The following CSMD1 variants were observed in gnomAD, a reference collection of about 807,000 sequenced individuals.
The protein encoded by CSMD1 is CUB and Sushi multiple domains 1, also known as CUB and sushi domain-containing protein 1.
CSMD1 carries 213 observed loss-of-function variants against 417.5 expected under a neutral mutation model. That is an observed-to-expected ratio of 0.51 (90% CI 0.46 to 0.57). CSMD1 has a LOEUF of 0.57. CSMD1 is among the 20% of genes least tolerant of loss of function. The pLI is 0.00. For synonymous variants in CSMD1, 2,862 were observed against 1,736.8 expected, an observed-to-expected ratio of 1.65 and a Z score of -16.11; for missense variants, 6,923 against 4,529.7, an observed-to-expected ratio of 1.53 and a Z score of -15.17.
chr8:4,854,199 G>C (rs187734228), intron 1 of CSMD1, among the ~76,000 whole-genome samples: 68 of 152,240 alleles, frequency 4.5e-4, no homozygotes, highest in African/African-American at 1.6e-3. Flanking sequence ...ATGAGATTTG[G>C]GGATGCAGGA....
intron 3 of CSMD1, among the ~76,000 whole-genome samples, chr8:4,092,640 T>C (rs929610146): frequency 6.6e-6 from 1 of 152,234 alleles, no homozygotes; most frequent in Middle Eastern, 3.2e-3. Flanking sequence ...ATTAAGAATG[T>C]ATTAAATCAT....
chr8:4,974,748 G>A (rs978165570), intron 1 of CSMD1, among the ~76,000 whole-genome samples: 1 of 152,144 alleles, frequency 6.6e-6, no homozygotes, highest in Non-Finnish European at 1.5e-5. Flanking sequence ...CACAATATCT[G>A]ACTAGAAGGT....
At chr8:4,036,802 T>C (rs1429766905) in intron 3 of CSMD1, among the ~76,000 whole-genome samples, 4 of 152,260 alleles carry the variant, frequency 2.6e-5, no homozygotes, top group Non-Finnish European at 5.9e-5. Flanking sequence ...ATAACATGGA[T>C]GAGAAAAATA....
At chr8:4,102,030 G>A (rs964106180) in intron 3 of CSMD1, among the ~76,000 whole-genome samples, 1 of 152,192 alleles carries the variant, frequency 6.6e-6, no homozygotes, top group Non-Finnish European at 1.5e-5. Context: ...TCACAGATAT[G>A]CAGAAATCCC....
chr8:4,189,269 C>A (rs1000529328), intron 3 of CSMD1, among the ~76,000 whole-genome samples: 1 of 152,162 alleles, frequency 6.6e-6, no homozygotes, highest in Non-Finnish European at 1.5e-5. Flanking sequence ...TGTAGAGAAA[C>A]ACTTCCTATC....
chr8:4,867,727 G>A (rs1388491564), intron 1 of CSMD1, among the ~76,000 whole-genome samples: 1 of 152,086 alleles, frequency 6.6e-6, no homozygotes, highest in East Asian at 1.9e-4. Context: ...CAAACAAAAT[G>A]CCGTATTAGT....
chr8:3,679,966 A>G (rs1417294936), intron 7 of CSMD1, among the ~76,000 whole-genome samples: 1 of 152,220 alleles, frequency 6.6e-6, no homozygotes, highest in South Asian at 2.1e-4. Flanking sequence ...AGGCAGAAAT[A>G]AAGATGTTCT....
At chr8:3,134,822 A>C (rs534078065) in intron 41 of CSMD1, among the ~76,000 whole-genome samples, 1 of 152,178 alleles carries the variant, frequency 6.6e-6, no homozygotes, top group African/African-American at 2.4e-5. Context: ...TCTGAGCCTC[A>C]TTTTTCTTAT....
chr8:3,894,492 T>C (rs1807217942), intron 5 of CSMD1, among the ~76,000 whole-genome samples: 1 of 152,180 alleles, frequency 6.6e-6, no homozygotes, highest in Non-Finnish European at 1.5e-5. Flanking sequence ...GAACTACAAG[T>C]AGTTTTAACA....
At chr8:4,742,788 C>A (rs1360146544) in intron 1 of CSMD1, among the ~76,000 whole-genome samples, 1 of 151,976 alleles carries the variant, frequency 6.6e-6, no homozygotes, top group Non-Finnish European at 1.5e-5. Context: ...ATGCTAAAAG[C>A]CCAATTATAT....
chr8:4,093,361 A>T (rs1307860673), intron 3 of CSMD1, among the ~76,000 whole-genome samples: 1 of 152,226 alleles, frequency 6.6e-6, no homozygotes, highest in Non-Finnish European at 1.5e-5. Flanking sequence ...AATGAAAGTT[A>T]AATTTTATAT....
intron 12 of CSMD1, among the ~76,000 whole-genome samples, chr8:3,462,352 T>G (rs1816558304): frequency 6.6e-6 from 1 of 152,144 alleles, no homozygotes. Flanking sequence ...CAGGGACCAG[T>G]ACTCGTCCAT....
intron 5 of CSMD1, among the ~76,000 whole-genome samples, chr8:3,868,277 C>T (rs1805243424): frequency 6.6e-6 from 1 of 152,070 alleles, no homozygotes; most frequent in African/African-American, 2.4e-5. Context: ...CTGAAGTGTG[C>T]CTTTTCAGTC....
intron 1 of CSMD1, among the ~76,000 whole-genome samples, chr8:4,729,947 C>T (rs1057375192): frequency 6.6e-6 from 1 of 152,286 alleles, no homozygotes; most frequent in Non-Finnish European, 1.5e-5. Flanking sequence ...GACTTGTGCG[C>T]ACACACTGCA....
intron 2 of CSMD1, among the ~76,000 whole-genome samples, chr8:4,450,317 TTTTC>T (rs1219112261): frequency 6.6e-6 from 1 of 152,068 alleles, no homozygotes; most frequent in Non-Finnish European, 1.5e-5. Context: ...TCAGAGTATT[TTTTC>T]TTTGTTTTTT....
intron 5 of CSMD1, among the ~76,000 whole-genome samples, chr8:3,914,912 A>T (rs530971439): frequency 6.6e-6 from 1 of 152,152 alleles, no homozygotes; most frequent in Non-Finnish European, 1.5e-5. Flanking sequence ...TAACTCAATA[A>T]TTACTGATTG....
chr8:4,329,918 A>T (rs1299408419), intron 3 of CSMD1, among the ~76,000 whole-genome samples: 2 of 151,868 alleles, frequency 1.3e-5, no homozygotes, highest in Non-Finnish European at 2.9e-5. Flanking sequence ...TGGCCATGTG[A>T]GGTGTCTGCT....
At chr8:4,006,810 C>T (rs1585120555) in intron 4 of CSMD1, among the ~76,000 whole-genome samples, 2 of 147,980 alleles carry the variant, frequency 1.4e-5, no homozygotes, top group African/African-American at 2.5e-5. Flanking sequence ...TGAGAGAATC[C>T]AGGACTTTTC....
intron 23 of CSMD1, among the ~76,000 whole-genome samples, chr8:3,311,486 G>GTGAT (rs1805342708): frequency 6.6e-6 from 1 of 152,132 alleles, no homozygotes; most frequent in South Asian, 2.1e-4. Context: ...CTGACCTCAA[G>GTGAT]TGATTTGCTT....
Sources: allele counts gnomAD v4.1 joint callset (sites outside exome capture counted in the v4.1 genomes callset), GRCh38; gene constraint gnomAD v4.1.1; transcripts MANE v1.5; gene names NCBI Gene and HGNC (gene_info 2026-07-23, HGNC 2026-07-21).